Variants in DUSP22 observed in about 807,000 individuals in gnomAD.
DUSP22 encodes the protein dual specificity phosphatase 22, also known as dual specificity protein phosphatase 22.
In DUSP22, 24 loss-of-function variants were observed where a neutral mutation model predicts 24.5. That is an observed-to-expected ratio of 0.98 (90% confidence interval 0.71 to 1.38). DUSP22 has a LOEUF of 1.38. DUSP22 is among the 40% of genes most tolerant of loss of function. DUSP22 has a pLI of 0.00. For missense variants in DUSP22, 330 were observed against 269.2 expected (o/e 1.23, Z -1.58); for synonymous variants, 160 against 106.4 (o/e 1.50, Z -3.10).
At chr6:306,833 G>GC (rs1272578209) in intron 2 of DUSP22, among the ~76,000 whole-genome samples, 1 of 152,310 alleles carries the variant, frequency 6.6e-6, no homozygotes, top group Non-Finnish European at 1.5e-5. Context: ...ACAGGAAGGG[G>GC]CCAGTGTGTG....
At chr6:346,356 TC>T in intron 5 of DUSP22, among the ~76,000 whole-genome samples, 1 of 152,418 alleles carries the variant, frequency 6.6e-6, no homozygotes, top group South Asian at 2.1e-4. Flanking sequence ...ATTTTCAGTA[TC>T]GCGCTACTGT....
intron 4 of DUSP22, among the ~76,000 whole-genome samples, chr6:335,537 C>T (rs1230067429): frequency 6.6e-6 from 1 of 152,304 alleles, no homozygotes. Flanking sequence ...GATAGTGAGC[C>T]ACAAATGGGC....
intron 2 of DUSP22, among the ~76,000 whole-genome samples, chr6:310,281 C>T (rs1378921608): frequency 6.6e-6 from 1 of 152,296 alleles, no homozygotes; most frequent in Admixed American, 6.5e-5. Flanking sequence ...CCTTCTGATC[C>T]ATTTCTCCTG....
intron 3 of DUSP22, among the ~76,000 whole-genome samples, chr6:323,994 GA>G (rs1561664781): frequency 1.3e-5 from 2 of 152,302 alleles, no homozygotes; most frequent in Non-Finnish European, 2.9e-5. Flanking sequence ...CCCTGAAGAA[GA>G]AAAGATCTCA....
chr6:347,635 A>G (rs1265855941), intron 5 of DUSP22, among the ~76,000 whole-genome samples: 1 of 152,308 alleles, frequency 6.6e-6, no homozygotes, highest in Non-Finnish European at 1.5e-5. Flanking sequence ...TCTCTACATC[A>G]TGGGCTTTAA....
intron 3 of DUSP22, among the ~76,000 whole-genome samples, chr6:322,066 T>C (rs1322014050): frequency 6.6e-6 from 1 of 152,264 alleles, no homozygotes; most frequent in African/African-American, 2.4e-5. Flanking sequence ...ATCTACATAG[T>C]GTATGCATAT....
At chr6:308,260 C>G (rs1376034045) in intron 2 of DUSP22, among the ~76,000 whole-genome samples, 1 of 152,302 alleles carries the variant, frequency 6.6e-6, no homozygotes, top group Admixed American at 6.5e-5. Context: ...TTGAAATGTA[C>G]AAGCTTGTGT....
intron 3 of DUSP22, among the ~76,000 whole-genome samples, chr6:316,193 G>T (rs1358943767): frequency 6.6e-6 from 1 of 152,304 alleles, no homozygotes; most frequent in South Asian, 2.1e-4. Context: ...TCATCTGTCA[G>T]CAAGTGGCAG....
At chr6:325,049 C>T (rs750229026) in intron 3 of DUSP22, 9 of 191,182 alleles carry the variant, frequency 4.7e-5, no homozygotes, top group East Asian at 1.8e-4. Flanking sequence ...GTGGCCCTCT[C>T]CCTGCTGGTG....
At chr6:328,229 T>C (rs1031386913) in intron 3 of DUSP22, among the ~76,000 whole-genome samples, 1 of 152,306 alleles carries the variant, frequency 6.6e-6, no homozygotes, top group African/African-American at 2.4e-5. Flanking sequence ...CCAGTTTTCA[T>C]GAGTCACAAT....
rs755173245 is a variant in DUSP22 at position 304,652 on chromosome 6, A to C, written c.46A>C (p.Asn16His). The change falls in exon 2 of 7, where the codon AAC becomes CAC. Residue 16 changes from asparagine (N) to histidine (H), a missense_variant. Coordinates refer to ENST00000419235, the MANE Select transcript of DUSP22 (RefSeq NM_001286555.3). ...GATCCTGCCCGGCCTGTACATCGGC[A>C]ACTTCAAAGGTGAGTTCTTGCTTTT... ...NKILPGLYIG[N>H]FKDARDAEQL... 6.2e-6 allele frequency: 10 copies of C among 1,614,122 alleles called. No homozygotes were observed. The highest frequency in any genetic ancestry group is 8.5e-6 in the Non-Finnish European group (10 of 1,180,018).
At chr6:304,779 A>G (rs1374418050) in intron 2 of DUSP22, 118 bp downstream of exon 2, 1 of 1,392,344 alleles carries the variant, frequency 7.2e-7, no homozygotes, top group Non-Finnish European at 1.0e-6. Flanking sequence ...CTGTGCAGCC[A>G]TCACCAACAT....
At position 350,510 on chromosome 6, in the gene DUSP22, T is replaced by A; in HGVS notation, c.*1559T>A. 37 of 1,288,598 alleles carry A rather than the reference T, an allele frequency of 2.9e-5. No individual in the cohort carries two copies. The highest frequency in any genetic ancestry group is 3.6e-5 in the Non-Finnish European group (37 of 1,014,376). 79.8% of individuals were successfully genotyped at this position (1,288,598 alleles called of 1,614,324 possible). ...GCAGTTTTCCTGTGCATATAGAGGG[T>A]GTGTCAAAGGTGAGCTTTTTGGGGA... On this transcript the variant is annotated 3_prime_UTR_variant, in exon 7 of 7. Coordinates refer to ENST00000419235, the MANE Select transcript of DUSP22 (RefSeq NM_001286555.3).
chr6:292,508 G>A lies in DUSP22; in HGVS notation c.-32G>A, dbSNP rs759633832. 5 of 1,603,814 alleles carry A rather than the reference G, an allele frequency of 3.1e-6. No individual in the cohort carries two copies. The South Asian group carries it at 4.4e-5, about 14-fold the overall frequency. ...TGCCATAGTGCGCCTGCGACCACAC[G>A]GCCGGGGCGCTAGCGTTCGCCTTCA... On this transcript the variant is annotated 5_prime_UTR_variant, in exon 1 of 7. Transcript: ENST00000419235.
At chr6:322,626 G>C (rs12191433) in intron 3 of DUSP22, among the ~76,000 whole-genome samples, 10,874 of 149,182 alleles carry the variant, frequency 0.073, 38 homozygotes, top group Non-Finnish European at 0.11. Flanking sequence ...GCGTTTGAAA[G>C]AGAAGACAGG....
At chr6:344,943 G>A (rs1297138808) in intron 4 of DUSP22, among the ~76,000 whole-genome samples, 2 of 152,312 alleles carry the variant, frequency 1.3e-5, no homozygotes, top group African/African-American at 4.8e-5. Context: ...GAGGGTTCCT[G>A]CTGTGCTGCT....
intron 4 of DUSP22, among the ~76,000 whole-genome samples, chr6:343,059 C>A (rs9501895): frequency 6.6e-6 from 1 of 151,170 alleles, no homozygotes; most frequent in Non-Finnish European, 1.5e-5. Context: ...CTTGGCTTTG[C>A]GGCCTGGCTG....
At chr6:292,715 G>A (rs981296662) in intron 1 of DUSP22, among the ~76,000 whole-genome samples, 155 bp downstream of exon 1, 12 of 152,286 alleles carry the variant, frequency 7.9e-5, no homozygotes, top group Admixed American at 2.6e-4. Context: ...CGGCGACCGC[G>A]GAGTCGGGGT....
intron 4 of DUSP22, among the ~76,000 whole-genome samples, chr6:345,366 C>T (rs1581193161): frequency 6.6e-6 from 1 of 152,294 alleles, no homozygotes; most frequent in East Asian, 1.9e-4. Flanking sequence ...TGTGCCACCA[C>T]ACCCAGCTAA....
Sources: gnomAD v4.1 joint callset for allele counts (sites outside exome capture counted in the v4.1 genomes callset) on GRCh38, gnomAD v4.1.1 for gene constraint, MANE v1.5 for transcripts, NCBI Gene and HGNC (gene_info 2026-07-23, HGNC 2026-07-21) for gene names.